The following ASIC2 variants were observed in gnomAD, a reference collection of about 807,000 sequenced individuals.
The protein encoded by ASIC2 is acid sensing ion channel subunit 2, also known as acid-sensing ion channel 2.
In ASIC2, 25 loss-of-function variants were observed where a neutral mutation model predicts 57.3. The observed-to-expected ratio is 0.44, with a 90% CI of 0.32 to 0.61. ASIC2 has a LOEUF of 0.61. ASIC2 is among the 20% of genes least tolerant of loss of function. ASIC2 has a pLI of 0.06. For missense variants in ASIC2, 641 were observed against 738.1 expected (o/e 0.87, Z 1.52); for synonymous variants, 319 against 307.5 (o/e 1.04, Z -0.39).
intron 1 of ASIC2, among the ~76,000 whole-genome samples, chr17:34,097,514 C>A (rs577729330): frequency 5.9e-5 from 9 of 152,196 alleles, no homozygotes; most frequent in African/African-American, 2.2e-4. Context: ...TGCAGTCAAG[C>A]TAAAGTGAGG....
chr17:33,199,144 A>T (rs1906755350), intron 1 of ASIC2, among the ~76,000 whole-genome samples: 1 of 152,228 alleles, frequency 6.6e-6, no homozygotes, highest in East Asian at 1.9e-4. Flanking sequence ...CTGTGGGCTG[A>T]TAACCATTTC....
chr17:34,139,070 A>G (rs11867184), intron 1 of ASIC2, among the ~76,000 whole-genome samples: 49,180 of 152,142 alleles, frequency 0.32, 8,827 homozygotes, highest in Middle Eastern at 0.45. Context: ...TTACTGATTC[A>G]GGTTCAAATT....
At chr17:34,094,649 C>T (rs1293028483) in intron 1 of ASIC2, among the ~76,000 whole-genome samples, 2 of 152,216 alleles carry the variant, frequency 1.3e-5, no homozygotes, top group Non-Finnish European at 2.9e-5. Context: ...AAAAGGTTAT[C>T]TAGCTCAACC....
At chr17:33,685,483 C>G (rs1316824745) in intron 1 of ASIC2, among the ~76,000 whole-genome samples, 1 of 152,156 alleles carries the variant, frequency 6.6e-6, no homozygotes, top group Non-Finnish European at 1.5e-5. Flanking sequence ...TCCAAATTAC[C>G]CTGACAGCTA....
intron 1 of ASIC2, among the ~76,000 whole-genome samples, chr17:33,599,226 G>A (rs1905064096): frequency 6.6e-6 from 1 of 152,216 alleles, no homozygotes; most frequent in Non-Finnish European, 1.5e-5. Flanking sequence ...CACAACTAGA[G>A]GAAGCTGTGC....
intron 1 of ASIC2, among the ~76,000 whole-genome samples, chr17:34,089,790 G>T (rs1339979582): frequency 6.6e-6 from 1 of 151,946 alleles, no homozygotes; most frequent in African/African-American, 2.4e-5. Flanking sequence ...GATTCCTTGT[G>T]ACCTCCACCT....
intron 1 of ASIC2, among the ~76,000 whole-genome samples, chr17:33,374,924 C>A (rs532483156): frequency 2.0e-5 from 3 of 152,208 alleles, no homozygotes; most frequent in South Asian, 4.2e-4. Flanking sequence ...GGAGAATAAC[C>A]TCTATTTTAC....
intron 3 of ASIC2, among the ~76,000 whole-genome samples, chr17:33,038,534 A>G (rs1312986438): frequency 2.0e-5 from 3 of 152,156 alleles, no homozygotes; most frequent in African/African-American, 7.2e-5. Flanking sequence ...GATCGAGGAG[A>G]GACACCCAGG....
intron 1 of ASIC2, among the ~76,000 whole-genome samples, chr17:33,498,792 T>C (rs1338534793): frequency 6.6e-6 from 1 of 151,576 alleles, no homozygotes; most frequent in Non-Finnish European, 1.5e-5. Context: ...GAGGAATGAG[T>C]GTGTGTGTGT....
At chr17:33,177,545 T>C (rs748285539) in intron 1 of ASIC2, among the ~76,000 whole-genome samples, 1 of 152,096 alleles carries the variant, frequency 6.6e-6, no homozygotes, top group African/African-American at 2.4e-5. Context: ...CCCAGCTTCA[T>C]TCAGGAAGAG....
chr17:33,854,377 C>A (rs912709266), intron 1 of ASIC2, among the ~76,000 whole-genome samples: 6 of 152,208 alleles, frequency 3.9e-5, no homozygotes, highest in African/African-American at 1.4e-4. Context: ...CGTGTGATTT[C>A]TTTCTGTACC....
chr17:34,110,220 T>C (rs1320986033), intron 1 of ASIC2, among the ~76,000 whole-genome samples: 3 of 152,268 alleles, frequency 2.0e-5, no homozygotes, highest in Admixed American at 2.0e-4. Context: ...AGGGTGGGCT[T>C]ATGGGCTGAA....
chr17:33,839,250 T>C (rs999861910), intron 1 of ASIC2, among the ~76,000 whole-genome samples: 31 of 152,124 alleles, frequency 2.0e-4, no homozygotes, highest in African/African-American at 7.0e-4. Flanking sequence ...TAGATCTAAA[T>C]AGAGTTACTG....
chr17:33,664,366 G>A (rs1005704823), intron 1 of ASIC2, among the ~76,000 whole-genome samples: 1 of 152,142 alleles, frequency 6.6e-6, no homozygotes, highest in Admixed American at 6.5e-5. Flanking sequence ...TTTCTTCATT[G>A]CATGCCTCAC....
intron 1 of ASIC2, among the ~76,000 whole-genome samples, chr17:33,539,513 T>C (rs1567643799): frequency 2.0e-5 from 3 of 152,254 alleles, no homozygotes; most frequent in Admixed American, 2.0e-4. Flanking sequence ...ATGCACATTC[T>C]TTCCTGTTTG....
At chr17:33,858,183 T>C (rs1641062554) in intron 1 of ASIC2, among the ~76,000 whole-genome samples, 1 of 152,192 alleles carries the variant, frequency 6.6e-6, no homozygotes, top group South Asian at 2.1e-4. Flanking sequence ...GCCTCGTCCT[T>C]AGGTCACCTA....
At chr17:33,631,559 C>T (rs1301008634) in intron 1 of ASIC2, among the ~76,000 whole-genome samples, 1 of 152,094 alleles carries the variant, frequency 6.6e-6, no homozygotes. Flanking sequence ...GTATCCACTG[C>T]AAAATGTTGC....
intron 1 of ASIC2, among the ~76,000 whole-genome samples, chr17:33,142,106 T>C (rs2142018828): frequency 6.6e-6 from 1 of 152,302 alleles, no homozygotes; most frequent in East Asian, 1.9e-4. Context: ...CTGTTGCTTT[T>C]TCAGCACTCT....
intron 3 of ASIC2, among the ~76,000 whole-genome samples, chr17:33,050,198 T>G (rs1433342223): frequency 6.6e-6 from 1 of 152,194 alleles, no homozygotes; most frequent in African/African-American, 2.4e-5. Context: ...GGGAAATTTT[T>G]TCAGATCTCA....
Sources: gnomAD v4.1 joint callset for allele counts (sites outside exome capture counted in the v4.1 genomes callset) on GRCh38, gnomAD v4.1.1 for gene constraint, MANE v1.5 for transcripts, NCBI Gene and HGNC (gene_info 2026-07-23, HGNC 2026-07-21) for gene names.